The following REDIC1 variants were observed in gnomAD, a reference collection of about 807,000 sequenced individuals.
The protein encoded by REDIC1 is regulator of DNA class I crossover intermediates 1, also known as HEI10 Interacting Protein 1.
chr12:39,791,033 T>C, the REDIC1 span, among the ~76,000 whole-genome samples: 1 of 121,024 alleles, frequency 8.3e-6, no homozygotes, highest in Non-Finnish European at 1.7e-5. Flanking sequence ...GAGAAGTGTC[T>C]GTTCATGTCC....
chr12:39,778,120 A>G, the REDIC1 span, among the ~76,000 whole-genome samples: 1 of 152,118 alleles, frequency 6.6e-6, no homozygotes, highest in Non-Finnish European at 1.5e-5. Flanking sequence ...GGCGGTGAAG[A>G]AGTGAGCCAC....
the REDIC1 span, among the ~76,000 whole-genome samples, chr12:39,853,573 CCTTT>C: frequency 1.1e-4 from 16 of 151,136 alleles, no homozygotes; most frequent in African/African-American, 3.4e-4. Flanking sequence ...CTTTTTCCTT[CCTTT>C]CTTCCTTCCT....
chr12:39,710,897 T>C, the REDIC1 span, among the ~76,000 whole-genome samples: 5 of 151,686 alleles, frequency 3.3e-5, no homozygotes, highest in Admixed American at 1.3e-4. Flanking sequence ...GTATTCTTTT[T>C]TTTTAATTTT....
chr12:39,788,032 A>C, the REDIC1 span, among the ~76,000 whole-genome samples: 1 of 152,202 alleles, frequency 6.6e-6, no homozygotes, highest in Non-Finnish European at 1.5e-5. Flanking sequence ...GGACAATTAC[A>C]TAATAATACA....
chr12:39,853,899 T>C, the REDIC1 span, among the ~76,000 whole-genome samples: 76 of 152,074 alleles, frequency 5.0e-4, no homozygotes, highest in Non-Finnish European at 9.1e-4. Context: ...GAGGGTAAAA[T>C]TTCATTAAAA....
At chr12:39,742,797 G>A in the REDIC1 span, among the ~76,000 whole-genome samples, 345 of 152,260 alleles carry the variant, frequency 2.3e-3, no homozygotes, top group Non-Finnish European at 4.1e-3. Context: ...TCTTCTATGC[G>A]AAAAGCAAGG....
chr12:39,885,881 T>G, the REDIC1 span, among the ~76,000 whole-genome samples: 1 of 152,200 alleles, frequency 6.6e-6, no homozygotes. Flanking sequence ...TTCAAGAGAT[T>G]CTAACGTATT....
chr12:39,670,798 A>G, the REDIC1 span, among the ~76,000 whole-genome samples: 3 of 150,952 alleles, frequency 2.0e-5, no homozygotes, highest in East Asian at 5.9e-4. Flanking sequence ...CCTATCTTTA[A>G]GTTCTGAAAC....
the REDIC1 span, among the ~76,000 whole-genome samples, chr12:39,789,268 C>A: frequency 6.6e-6 from 1 of 151,834 alleles, no homozygotes; most frequent in Non-Finnish European, 1.5e-5. Flanking sequence ...AAATACATAT[C>A]ACTTGGTTGT....
At chr12:39,760,650 G>A in the REDIC1 span, among the ~76,000 whole-genome samples, 1 of 151,796 alleles carries the variant, frequency 6.6e-6, no homozygotes, top group Non-Finnish European at 1.5e-5. Flanking sequence ...TTACACTAGA[G>A]GCACTTTGAG....
At chr12:39,638,124 TAAAC>T in the REDIC1 span, among the ~76,000 whole-genome samples, 3 of 151,926 alleles carry the variant, frequency 2.0e-5, no homozygotes, top group Non-Finnish European at 4.4e-5. Flanking sequence ...AAAAAACAAA[TAAAC>T]AAGCCTGGAG....
chr12:39,812,016 T>A, the REDIC1 span, among the ~76,000 whole-genome samples: 1 of 152,200 alleles, frequency 6.6e-6, no homozygotes, highest in South Asian at 2.1e-4. Context: ...ACAACTTTGT[T>A]ACTTGTCTTA....
chr12:39,626,872 T>A, the REDIC1 span, among the ~76,000 whole-genome samples: 1 of 152,250 alleles, frequency 6.6e-6, no homozygotes, highest in Non-Finnish European at 1.5e-5. Context: ...GAACCGTTTT[T>A]ACTTGAATAA....
the REDIC1 span, among the ~76,000 whole-genome samples, chr12:39,851,591 A>ACTCC: frequency 1.3e-5 from 2 of 152,212 alleles, no homozygotes; most frequent in African/African-American, 2.4e-5. Flanking sequence ...ATCCATGCTA[A>ACTCC]ATGCCAAGGA....
chr12:39,658,316 CT>C, the REDIC1 span, among the ~76,000 whole-genome samples: 1 of 152,216 alleles, frequency 6.6e-6, no homozygotes, highest in Non-Finnish European at 1.5e-5. Flanking sequence ...AACTCCTGAC[CT>C]CAAGTGATCC....
At chr12:39,644,337 A>G in the REDIC1 span, among the ~76,000 whole-genome samples, 7 of 151,822 alleles carry the variant, frequency 4.6e-5, no homozygotes, top group Admixed American at 2.6e-4. Context: ...TTCCTATGTC[A>G]TCACTTGAAT....
At chr12:39,850,584 T>C in the REDIC1 span, among the ~76,000 whole-genome samples, 1 of 152,220 alleles carries the variant, frequency 6.6e-6, no homozygotes, top group Non-Finnish European at 1.5e-5. Context: ...AATAATTGTA[T>C]CTGTGCCAAC....
the REDIC1 span, among the ~76,000 whole-genome samples, chr12:39,873,399 T>A: frequency 3.9e-5 from 6 of 152,308 alleles, no homozygotes; most frequent in Admixed American, 1.3e-4. Context: ...GTTTCCAAGT[T>A]CTACCATATA....
chr12:39,829,570 C>T, the REDIC1 span: 1 of 159,634 alleles, frequency 6.3e-6, no homozygotes, highest in East Asian at 1.8e-4. Flanking sequence ...TGTGCCACCA[C>T]TCTCAGCTAA....
Sources: gnomAD v4.1 joint callset for allele counts (sites outside exome capture counted in the v4.1 genomes callset) on GRCh38, gnomAD v4.1.1 for gene constraint, MANE v1.5 for transcripts, NCBI Gene and HGNC (gene_info 2026-07-23, HGNC 2026-07-21) for gene names.